PHF21A: variants seen among roughly 807,000 people sequenced by gnomAD.
PHF21A encodes PHD finger protein 21A, also known as BHC80a.
In PHF21A, 11 loss-of-function variants were observed where a neutral mutation model predicts 82.5. The observed-to-expected ratio is 0.13, with a 90% CI of 0.08 to 0.22. The LOEUF is 0.22. Among genes scored for constraint, PHF21A ranks in the 10% least tolerant of loss-of-function variants. PHF21A has a pLI of 1.00. For missense variants in PHF21A, 579 were observed against 837.8 expected (o/e 0.69, Z 3.81); for synonymous variants, 297 against 302.8 (o/e 0.98, Z 0.20).
At position 45,933,932 on chromosome 11, in the gene PHF21A, C is replaced by A; in HGVS notation, c.*36G>T. ...GTCTTCAGTGTTCTGTTCTCCTTGC[C>A]GCCGGGATCCCGTGGCTTCTCCTAG... On this transcript the variant is annotated 3_prime_UTR_variant, in exon 19 of 19. Transcript: ENST00000676320. The A allele has an allele frequency of 1.3e-6, 2 of 1,487,964 alleles. No homozygotes were observed. Among genetic ancestry groups the A allele is most frequent in the Non-Finnish European group, 1.8e-6 (2 of 1,117,792 alleles). The allele number at this position is 1,487,964 out of a possible 1,614,324, so 92.2% of individuals were successfully genotyped here.
rs72904383 is a variant in PHF21A at position 46,053,266 on chromosome 11, A to G, written c.153+23488T>C. Among the ~76,000 whole-genome samples, 198 of 152,302 alleles carry G rather than the reference A, an allele frequency of 1.3e-3. 1 individual carries two copies. Among genetic ancestry groups the G allele is most frequent in the Non-Finnish European group, 2.0e-3 (138 of 68,022 alleles). ...ATATGTAACTGATTTACAAAATATC[A>G]ATATGAAAGAATTATTAGTGAAACA... is the stretch of plus-strand genomic sequence containing the variant. On this transcript the variant is annotated intron_variant, in intron 6 of 18. Coordinates refer to ENST00000676320, the MANE Select transcript of PHF21A (RefSeq NM_001352027.3).
At chr11:46,050,306 A>C (rs1369474174) in intron 6 of PHF21A, among the ~76,000 whole-genome samples, 1 of 152,252 alleles carries the variant, frequency 6.6e-6, no homozygotes, top group Non-Finnish European at 1.5e-5. Context: ...CATAGGGACT[A>C]ATACCACTGG....
chr11:45,974,411 A>G (rs1343528768), intron 7 of PHF21A, among the ~76,000 whole-genome samples: 1 of 112,794 alleles, frequency 8.9e-6, no homozygotes, highest in African/African-American at 3.4e-5. Flanking sequence ...AAAGGTGTCA[A>G]ACGACAAATT....
chr11:46,017,582 G>GA (rs551575121), intron 6 of PHF21A, among the ~76,000 whole-genome samples: 129 of 134,088 alleles, frequency 9.6e-4, no homozygotes, highest in East Asian at 2.8e-3. Flanking sequence ...CCTTAAGGGG[G>GA]AAAAAAAAAA....
rs145306787 is a variant in PHF21A at position 45,962,599 on chromosome 11, G to C, written c.996+2716C>G. ...AATTCCTTTATTAGACCAAAAAGAA[G>C]AGAGAACATTGGCCAGGCGTGGTGG... On this transcript the variant is annotated intron_variant, in intron 10 of 18. Coordinates refer to ENST00000676320, the MANE Select transcript of PHF21A (RefSeq NM_001352027.3). Among the ~76,000 whole-genome samples the C allele has an allele frequency of 8.3e-3, 1,263 of 151,566 alleles. 20 individuals are homozygous for C. Among genetic ancestry groups the C allele is most frequent in the African/African-American group, 0.029 (1,182 of 41,244 alleles).
rs771127519 is a variant in PHF21A, at chr11:45,935,626, G to A, written c.1788+10C>T. Reference sequence around the variant, plus strand: ...ATGTATCGACTGCTGAAGGCATGAGGTTTACTTACACTTATGGAATTGCTG... The same window carrying A: ...ATGTATCGACTGCTGAAGGCATGAGATTTACTTACACTTATGGAATTGCTG... On this transcript the variant is annotated intron_variant, in intron 18 of 18. Coordinates refer to ENST00000676320, the MANE Select transcript of PHF21A (RefSeq NM_001352027.3). 3.1e-6 allele frequency: 4 copies of A among 1,290,086 alleles called. No homozygotes were observed. The highest frequency in any genetic ancestry group is 1.2e-5 in the South Asian group (1 of 84,084). The allele number at this position is 1,290,086 out of a possible 1,614,324, so 79.9% of individuals were successfully genotyped here. A position where few individuals can be genotyped will look rare whatever the true frequency, so the allele number is the denominator to read the frequency against.
intron 4 of PHF21A, among the ~76,000 whole-genome samples, chr11:46,080,302 G>A (rs888620980): frequency 6.6e-6 from 1 of 151,670 alleles, no homozygotes; most frequent in Non-Finnish European, 1.5e-5. Context: ...AGGACCCCAG[G>A]TGCACACCAG....
intron 4 of PHF21A, among the ~76,000 whole-genome samples, chr11:46,082,482 A>G (rs1592965726): frequency 6.6e-6 from 1 of 152,204 alleles, no homozygotes; most frequent in East Asian, 1.9e-4. Context: ...AGTGAAATAT[A>G]TGCTTTCTCT....
intron 7 of PHF21A, among the ~76,000 whole-genome samples, chr11:45,971,890 C>CTTTCTTTCTTTTTTTTTTTTTT (rs57081937): frequency 6.0e-5 from 3 of 50,294 alleles, no homozygotes; most frequent in Non-Finnish European, 7.7e-5. Context: ...CTTTTTCTTT[C>CTTTCTTTCTTTTTTTTTTTTTT]TTTTTTTTTT....
At chr11:45,991,096 A>G (rs560122608) in intron 6 of PHF21A, among the ~76,000 whole-genome samples, 1 of 152,108 alleles carries the variant, frequency 6.6e-6, no homozygotes, top group East Asian at 1.9e-4. Context: ...CCATAGTTCT[A>G]CCCTTTCCAG....
chr11:46,037,640 CAAAAAAAAAAA>C (rs1000939610), intron 6 of PHF21A, among the ~76,000 whole-genome samples: 2 of 59,064 alleles, frequency 3.4e-5, no homozygotes, highest in African/African-American at 5.3e-5. Flanking sequence ...AACGTCATCT[CAAAAAAAAAAA>C]AAAAAAAAAA....
chr11:45,986,166 A>C (rs1421048201), intron 6 of PHF21A, among the ~76,000 whole-genome samples: 1 of 149,642 alleles, frequency 6.7e-6, no homozygotes, highest in African/African-American at 2.5e-5. Flanking sequence ...GAGACCCTTT[A>C]TTAATATCAT....
chr11:45,958,449 T>TATATATATATACACACACAC (rs780397923), intron 10 of PHF21A, among the ~76,000 whole-genome samples: 1 of 15,076 alleles, frequency 6.6e-5, no homozygotes, highest in African/African-American at 1.9e-4. Flanking sequence ...TATATATATA[T>TATATATATATACACACACAC]ACACACACAC....
intron 6 of PHF21A, among the ~76,000 whole-genome samples, chr11:45,981,392 CAAAAAAAAAAA>C (rs59866051): frequency 0.19 from 11,482 of 60,738 alleles, 1,503 homozygotes; most frequent in East Asian, 0.68. Flanking sequence ...AACCCTGTCT[CAAAAAAAAAAA>C]AAAAAAAAAA....
At position 46,031,827 on chromosome 11, in the gene PHF21A, G is replaced by A. The variant is rs551803028; in HGVS notation, c.153+44927C>T. 5.6e-4 allele frequency among the ~76,000 whole-genome samples: 86 copies of A among 152,284 alleles called. 2 individuals are homozygous for A. The highest frequency in any genetic ancestry group is 4.6e-3 in the Admixed American group (70 of 15,300). On this transcript the variant is annotated intron_variant, in intron 6 of 18. Transcript: ENST00000676320. The stretch of plus-strand genomic sequence containing the variant: ...AGCTGGAAGAATCTGTAAGTACTCA[G>A]GGGTGACATTCACTCAAGAGACTAT...
At chr11:45,989,985 C>A (rs2094627361) in intron 6 of PHF21A, among the ~76,000 whole-genome samples, 1 of 151,946 alleles carries the variant, frequency 6.6e-6, no homozygotes, top group African/African-American at 2.4e-5. Flanking sequence ...GAGTGAGACC[C>A]TGACTCAAAA....
intron 6 of PHF21A, among the ~76,000 whole-genome samples, chr11:46,039,053 G>T (rs977261867): frequency 6.6e-6 from 1 of 152,156 alleles, no homozygotes; most frequent in Non-Finnish European, 1.5e-5. Context: ...AGCAGAGTGA[G>T]TGGGCTGAAT....
chr11:45,938,768 C>T (rs769663249), intron 15 of PHF21A, among the ~76,000 whole-genome samples: 1 of 151,922 alleles, frequency 6.6e-6, no homozygotes, highest in Non-Finnish European at 1.5e-5. Context: ...TATTTTCAGA[C>T]TGCAGTTGAC....
At chr11:46,030,812 TGTGTGTGC>T (rs1356659666) in intron 6 of PHF21A, among the ~76,000 whole-genome samples, 14 of 101,030 alleles carry the variant, frequency 1.4e-4, no homozygotes, top group Admixed American at 1.0e-3. Flanking sequence ...ACATAGTGTG[TGTGTGTGC>T]GTGTGTGTGC....
Sources: allele counts gnomAD v4.1 joint callset (sites outside exome capture counted in the v4.1 genomes callset), GRCh38; gene constraint gnomAD v4.1.1; transcripts MANE v1.5; gene names NCBI Gene and HGNC (gene_info 2026-07-23, HGNC 2026-07-21).